The following KCNH7 variants were observed in gnomAD, a reference collection of about 807,000 sequenced individuals.
The protein encoded by KCNH7 is potassium voltage-gated channel subfamily H member 7.
Under a neutral mutation model 120.8 loss-of-function variants are expected in KCNH7, and 49 were observed. The ratio of observed to expected loss-of-function variants is 0.41; its 90% CI spans 0.32 to 0.51. The LOEUF is 0.51. Among genes scored for constraint, KCNH7 ranks in the 20% least tolerant of loss-of-function variants. The pLI, the probability that KCNH7 is intolerant of heterozygous loss-of-function variation, is 0.38. For missense variants in KCNH7, 1,097 were observed against 1,446.6 expected (o/e 0.76, Z 3.92); for synonymous variants, 547 against 516.1 (o/e 1.06, Z -0.81).
Position 162,729,022 on chromosome 2 carries a change from T to C in KCNH7, c.307+107515A>G, listed in dbSNP as rs906474504. Among the ~76,000 whole-genome samples the C allele has an allele frequency of 3.9e-5, 6 of 152,202 alleles. 1 individual carries two copies. In the East Asian group the frequency reaches 5.8e-4, roughly 15 times the overall value. ...TTTTTTATTTTTTTAAACAAAGATATGTAACTGTTACAGCGCCATTTGTTT... is the reference window on the plus strand; with the variant it reads ...TTTTTTATTTTTTTAAACAAAGATACGTAACTGTTACAGCGCCATTTGTTT... On this transcript the variant is annotated intron_variant, in intron 2 of 15. Coordinates refer to ENST00000332142, the MANE Select transcript of KCNH7 (RefSeq NM_033272.4).
At chr2:162,473,342 A>C (rs1326951507) in intron 6 of KCNH7, among the ~76,000 whole-genome samples, 1 of 152,194 alleles carries the variant, frequency 6.6e-6, no homozygotes, top group Non-Finnish European at 1.5e-5. Context: ...ACAAAGTTGT[A>C]AATTTCAAAA....
At chr2:162,446,778 A>C (rs1688595825) in intron 6 of KCNH7, among the ~76,000 whole-genome samples, 1 of 152,130 alleles carries the variant, frequency 6.6e-6, no homozygotes, top group Non-Finnish European at 1.5e-5. Flanking sequence ...TTTTTAGAAA[A>C]TCACAAAGTT....
chr2:162,546,240 T>A (rs1692472740), intron 2 of KCNH7, among the ~76,000 whole-genome samples: 1 of 152,156 alleles, frequency 6.6e-6, no homozygotes, highest in Non-Finnish European at 1.5e-5. Context: ...GGTGCTGCAC[T>A]CAATCTCCAG....
chr2:162,575,993 A>G (rs1693656736), intron 2 of KCNH7, among the ~76,000 whole-genome samples: 1 of 152,056 alleles, frequency 6.6e-6, no homozygotes, highest in Admixed American at 6.6e-5. Flanking sequence ...TTCCATATAC[A>G]ACTTTGAGAA....
chr2:162,419,991 T>TCTTCACTCC (rs1687651725), intron 9 of KCNH7, among the ~76,000 whole-genome samples: 1 of 152,172 alleles, frequency 6.6e-6, no homozygotes, highest in Non-Finnish European at 1.5e-5. Flanking sequence ...ACTAAAAATG[T>TCTTCACTCC]TGGAGGTAGA....
At chr2:162,701,766 C>T (rs56250937) in intron 2 of KCNH7, among the ~76,000 whole-genome samples, 13,140 of 152,104 alleles carry the variant, frequency 0.086, 1,752 homozygotes, top group African/African-American at 0.28. Context: ...CCCAGCACTT[C>T]GGGAGGCCAA....
intron 2 of KCNH7, among the ~76,000 whole-genome samples, chr2:162,705,414 A>T (rs2105349464): frequency 6.6e-6 from 1 of 152,204 alleles, no homozygotes; most frequent in African/African-American, 2.4e-5. Context: ...AAAATTTCTA[A>T]ATCCTGAGTT....
At chr2:162,403,150 T>G (rs1230919359) in intron 9 of KCNH7, among the ~76,000 whole-genome samples, 2 of 151,968 alleles carry the variant, frequency 1.3e-5, no homozygotes, top group East Asian at 1.9e-4. Flanking sequence ...CTCTGTCTTT[T>G]GGTCCAAATT....
intron 6 of KCNH7, among the ~76,000 whole-genome samples, chr2:162,481,874 T>C (rs1016604641): frequency 1.3e-5 from 2 of 152,146 alleles, no homozygotes; most frequent in South Asian, 2.1e-4. Context: ...TTTAAAAAGA[T>C]GTTATGATCC....
Position 162,838,465 on chromosome 2 carries a change from G to C in KCNH7, c.54C>G (p.Ile18Met). The change falls in exon 1 of 16, where the codon ATC becomes ATG. Residue 18 changes from isoleucine (I) to methionine (M), a missense_variant. By Grantham distance (10) the Ile-to-Met change is conservative. Coordinates refer to ENST00000332142, the MANE Select transcript of KCNH7 (RefSeq NM_033272.4). Reference protein sequence around the residue: ...VAPQNTFLGTIIRKFEGQNKK... With the variant: ...VAPQNTFLGTMIRKFEGQNKK... ...TACTTTGCCCTTCAAATTTCCGAAT[G>C]ATGGTCCCCAGAAATGTATTTTGTG... 1 of 1,613,834 alleles carries C rather than the reference G, an allele frequency of 6.2e-7. No homozygotes were observed. Among genetic ancestry groups the C allele is most frequent in the Non-Finnish European group, 8.5e-7 (1 of 1,179,866 alleles).
At chr2:162,476,750 C>G (rs983734782) in intron 6 of KCNH7, among the ~76,000 whole-genome samples, 11 of 152,092 alleles carry the variant, frequency 7.2e-5, no homozygotes, top group Admixed American at 1.3e-4. Context: ...ATGTGTCATT[C>G]CCTAATGAAC....
intron 4 of KCNH7, among the ~76,000 whole-genome samples, chr2:162,517,425 G>A (rs1255093029): frequency 6.6e-6 from 1 of 151,768 alleles, no homozygotes; most frequent in Non-Finnish European, 1.5e-5. Flanking sequence ...AGATGATAGT[G>A]TTCATTACCT....
At chr2:162,504,950 C>T (rs931780258) in intron 5 of KCNH7, among the ~76,000 whole-genome samples, 1 of 152,006 alleles carries the variant, frequency 6.6e-6, no homozygotes, top group African/African-American at 2.4e-5. Flanking sequence ...AAAAACTACA[C>T]TCTCTGTTAC....
At chr2:162,520,779 A>C (rs1296773896) in intron 3 of KCNH7, among the ~76,000 whole-genome samples, 1 of 151,856 alleles carries the variant, frequency 6.6e-6, no homozygotes, top group African/African-American at 2.4e-5. Context: ...TAAAGAAAGA[A>C]AAATTAATAT....
intron 2 of KCNH7, among the ~76,000 whole-genome samples, chr2:162,773,645 CA>C (rs992441005): frequency 2.8e-4 from 43 of 151,530 alleles, no homozygotes; most frequent in Non-Finnish European, 4.6e-4. Flanking sequence ...CCTACAAAAG[CA>C]AAAACAAAAG....
At chr2:162,562,081 G>A (rs892660600) in intron 2 of KCNH7, among the ~76,000 whole-genome samples, 10 of 152,012 alleles carry the variant, frequency 6.6e-5, no homozygotes, top group African/African-American at 1.7e-4. Context: ...GCTAGGGGAC[G>A]GATAGCATTA....
At chr2:162,804,694 T>C (rs140679996) in intron 2 of KCNH7, among the ~76,000 whole-genome samples, 1 of 151,170 alleles carries the variant, frequency 6.6e-6, no homozygotes, top group Non-Finnish European at 1.5e-5. Flanking sequence ...ACAGAGTCAA[T>C]GCAATTCCCA....
chr2:162,697,403 C>T (rs1686332403), intron 2 of KCNH7, among the ~76,000 whole-genome samples: 1 of 152,012 alleles, frequency 6.6e-6, no homozygotes, highest in African/African-American at 2.4e-5. Context: ...CGAGGGTCAA[C>T]CTGTAGATTG....
chr2:162,492,243 G>A (rs1690334992), intron 6 of KCNH7, among the ~76,000 whole-genome samples: 1 of 152,166 alleles, frequency 6.6e-6, no homozygotes, highest in South Asian at 2.1e-4. Context: ...CTTTCTGTAT[G>A]GTTCTGTCAT....
Sources: allele counts gnomAD v4.1 joint callset (sites outside exome capture counted in the v4.1 genomes callset), GRCh38; gene constraint gnomAD v4.1.1; transcripts MANE v1.5; gene names NCBI Gene and HGNC (gene_info 2026-07-23, HGNC 2026-07-21).